Variants in MOGAT2 observed in about 807,000 individuals in gnomAD.
MOGAT2 encodes monoacylglycerol O-acyltransferase 2.
MOGAT2 carries 27 observed loss-of-function variants against 31.5 expected under a neutral mutation model. That is an observed-to-expected ratio of 0.86 (90% CI 0.63 to 1.18). The LOEUF (loss-of-function observed/expected upper bound fraction) is 1.18. Among genes scored for constraint, MOGAT2 ranks in the 50% most tolerant of loss-of-function variants. MOGAT2 has a pLI of 0.00. For synonymous variants in MOGAT2, 163 were observed against 170.0 expected (o/e 0.96, Z 0.32); for missense variants, 436 against 433.2 (o/e 1.01, Z -0.06).
intron 2 of MOGAT2, among the ~76,000 whole-genome samples, chr11:75,722,488 G>T (rs117256982): frequency 1.3e-5 from 2 of 152,056 alleles, no homozygotes; most frequent in African/African-American, 2.4e-5. Context: ...CAAGCTCACC[G>T]GGGGGGAAAG....
At chr11:75,722,493 G>C (rs917900167) in intron 2 of MOGAT2, among the ~76,000 whole-genome samples, 2 of 152,222 alleles carry the variant, frequency 1.3e-5, no homozygotes, top group African/African-American at 4.8e-5. Flanking sequence ...TCACCGGGGG[G>C]GAAAGGAAAA....
chr11:75,723,976 T>G (rs985042372), intron 2 of MOGAT2, among the ~76,000 whole-genome samples: 93 of 152,224 alleles, frequency 6.1e-4, no homozygotes, highest in African/African-American at 2.2e-3. Context: ...TCCCCTCTTC[T>G]TTGTTTACCC....
chr11:75,727,645 T>G lies in MOGAT2; in HGVS notation c.475+6T>G. 2 of 1,612,196 alleles carry G rather than the reference T, an allele frequency of 1.2e-6. No individual in the cohort carries two copies. ...AGATTACATCATGTCTGCAGGTGAG[T>G]CTTTCTACCCCTGAGCAGCTCAGGA... On this transcript the variant is annotated splice_donor_region_variant and intron_variant, in intron 3 of 5. Transcript: ENST00000198801.
intron 2 of MOGAT2, among the ~76,000 whole-genome samples, chr11:75,720,854 G>A (rs7940024): frequency 0.051 from 7,732 of 152,176 alleles, 565 homozygotes; most frequent in African/African-American, 0.16. Flanking sequence ...TGGTCATTGT[G>A]GACGCTGGGC....
rs1259156990 is a variant in MOGAT2, at chr11:75,727,249, A to G, written c.271-186A>G. 2.0e-5 allele frequency among the ~76,000 whole-genome samples: 3 copies of G among 152,136 alleles called. 1 individual carries two copies. The highest frequency in any genetic ancestry group is 4.2e-4 in the South Asian group (2 of 4,814). On this transcript the variant is annotated intron_variant, in intron 2 of 5. Transcript: ENST00000198801. ...GCATCAAGTCTGTGGCACAGCCAGCACCATAATATCTCCAGGTGCTGTCAC... is the reference window on the plus strand; with the variant it reads ...GCATCAAGTCTGTGGCACAGCCAGCGCCATAATATCTCCAGGTGCTGTCAC...
intron 5 of MOGAT2, among the ~76,000 whole-genome samples, chr11:75,730,096 C>G (rs1944461827): frequency 1.3e-5 from 2 of 152,180 alleles, no homozygotes; most frequent in Admixed American, 6.5e-5. Flanking sequence ...CATCCATCCA[C>G]TTGCTAATTG....
chr11:75,727,692 G>A (rs77331334), intron 3 of MOGAT2, 53 bp downstream of exon 3: 24,827 of 1,528,084 alleles, frequency 0.016, 224 homozygotes, highest in Non-Finnish European at 0.019. Context: ...TTTCGGAAGG[G>A]TTGCCAATAG....
chr11:75,729,354 A>G (rs553502547), intron 5 of MOGAT2, among the ~76,000 whole-genome samples: 1 of 152,166 alleles, frequency 6.6e-6, no homozygotes, highest in South Asian at 2.1e-4. Context: ...AGCTCACTGC[A>G]ACCTCCGCCT....
chr11:75,725,129 A>C (rs1367215891), intron 2 of MOGAT2, among the ~76,000 whole-genome samples: 1 of 152,206 alleles, frequency 6.6e-6, no homozygotes, highest in Admixed American at 6.5e-5. Flanking sequence ...TTAAAAGATC[A>C]GTTATATTTT....
chr11:75,718,354 C>G (rs949750251), intron 1 of MOGAT2, among the ~76,000 whole-genome samples: 1 of 152,048 alleles, frequency 6.6e-6, no homozygotes, highest in African/African-American at 2.4e-5. Flanking sequence ...TCCTTCTGTG[C>G]GCTCAGGGAG....
chr11:75,728,022 T>C lies in MOGAT2; in HGVS notation c.528T>C (p.Gly176=), dbSNP rs1944438093. The C allele has an allele frequency of 6.2e-7, 1 of 1,613,718 alleles. No homozygotes were observed. Among genetic ancestry groups the C allele is most frequent in the African/African-American group, 1.3e-5 (1 of 74,850 alleles). ...ESAAHILNRK[G]GGNLLGIIVG... Reference sequence around the variant, plus strand: ...CTGCTCACATTCTGAACAGGAAGGGTGGCGGAAACTTGCTGGGCATCATTG... The same window carrying C: ...CTGCTCACATTCTGAACAGGAAGGGCGGCGGAAACTTGCTGGGCATCATTG... The change falls in exon 4 of 6, where the codon GGT becomes GGC. Residue 176 remains glycine, a synonymous_variant. Coordinates refer to ENST00000198801, the MANE Select transcript of MOGAT2 (RefSeq NM_025098.4).
rs1388470827 is a variant in MOGAT2, at chr11:75,718,067, T to C, written c.91+88T>C. 27 of 1,275,858 alleles carry C rather than the reference T, an allele frequency of 2.1e-5. No homozygotes were observed. In the Middle Eastern group the frequency reaches 7.4e-4, roughly 35 times the overall value. The allele number at this position is 1,275,858 out of a possible 1,614,324, so 79.0% of individuals were successfully genotyped here. A position where few individuals can be genotyped will look rare whatever the true frequency, so the allele number is the denominator to read the frequency against. On this transcript the variant is annotated intron_variant, in intron 1 of 5. Transcript: ENST00000198801. ...CCAGGTGCACACAGCACATTGATGG[T>C]GGCAAGACATTTATCCTAAAGGGGG...
In MOGAT2 at chr11:75,731,854, A is replaced by C. The variant is rs1944483674; in HGVS notation, c.*568A>C. 1 of 152,290 alleles carries C rather than the reference A, an allele frequency of 6.6e-6. No homozygotes were observed. The highest frequency in any genetic ancestry group is 2.1e-4 in the South Asian group (1 of 4,818). The allele number at this position is 152,290 out of a possible 1,614,324, so 9.4% of individuals were successfully genotyped here. A position where few individuals can be genotyped will look rare whatever the true frequency, so the allele number is the denominator to read the frequency against. ...AGCACTCTCCACCCCAGGCACACAC[A>C]CCCTGGAATTCCCTGTGTGACCATG... On this transcript the variant is annotated 3_prime_UTR_variant, in exon 6 of 6. Transcript: ENST00000198801.
intron 5 of MOGAT2, chr11:75,730,901 C>T (rs535615588): frequency 3.5e-4 from 112 of 321,836 alleles, no homozygotes; most frequent in Admixed American, 8.1e-4. Flanking sequence ...GGCTACAGAG[C>T]GAGACTCTAC....
intron 2 of MOGAT2, among the ~76,000 whole-genome samples, chr11:75,725,207 A>G (rs1049536086): frequency 2.0e-5 from 3 of 152,184 alleles, no homozygotes; most frequent in Non-Finnish European, 2.9e-5. Flanking sequence ...CTAGCAGTGA[A>G]TGAAAATTTA....
chr11:75,730,299 C>T (rs1316618050), intron 5 of MOGAT2, among the ~76,000 whole-genome samples: 1 of 152,202 alleles, frequency 6.6e-6, no homozygotes, highest in Non-Finnish European at 1.5e-5. Flanking sequence ...ATGAGAGAAG[C>T]CACTGCAGGT....
At chr11:75,721,668 G>A (rs1025221564) in intron 2 of MOGAT2, among the ~76,000 whole-genome samples, 5 of 152,204 alleles carry the variant, frequency 3.3e-5, no homozygotes, top group East Asian at 1.9e-4. Flanking sequence ...TCGTGACCTC[G>A]AGTCTGGGGA....
chr11:75,720,243 TCCATGGGAG>T lies in MOGAT2; in HGVS notation c.270+74_270+82del, dbSNP rs145641186. The T allele has an allele frequency of 1.9e-5, 29 of 1,515,334 alleles. No individual in the cohort carries two copies. In the Admixed American group the frequency reaches 2.2e-4, roughly 12 times the overall value. 93.9% of individuals were successfully genotyped at this position (1,515,334 alleles called of 1,614,324 possible). A position where few individuals can be genotyped will look rare whatever the true frequency, so the allele number is the denominator to read the frequency against. ...TGGTCAGGGCCAGAGTGCCGACGTC[TCCATGGGAG>T]AATATGGCCCTGCATGCACTGAGGA... is the stretch of plus-strand genomic sequence containing the variant. On this transcript the variant is annotated intron_variant, in intron 2 of 5. Transcript: ENST00000198801.
Position 75,722,015 on chromosome 11 carries a change from C to T in MOGAT2, c.270+1845C>T, listed in dbSNP as rs1202600648. Among the ~76,000 whole-genome samples, 9 of 152,246 alleles carry T rather than the reference C, an allele frequency of 5.9e-5. No homozygotes were observed. In the South Asian group the frequency reaches 6.2e-4, roughly 11 times the overall value. ...GGCAATGGGGGTGCTGGGCAGACAG[C>T]GGGCAGCGGCTGGCAGAGACTGCCG... On this transcript the variant is annotated intron_variant, in intron 2 of 5. Transcript: ENST00000198801.
Sources: gnomAD v4.1 joint callset for allele counts (sites outside exome capture counted in the v4.1 genomes callset) on GRCh38, gnomAD v4.1.1 for gene constraint, MANE v1.5 for transcripts, NCBI Gene and HGNC (gene_info 2026-07-23, HGNC 2026-07-21) for gene names.